Variants in PLPBP observed in about 807,000 individuals in gnomAD.
PLPBP encodes the protein pyridoxal phosphate binding protein, also known as pyridoxal phosphate homeostasis protein.
Under a neutral mutation model 31.2 loss-of-function variants are expected in PLPBP, and 21 were observed. That is an observed-to-expected ratio of 0.67 (90% CI 0.48 to 0.97). The LOEUF (loss-of-function observed/expected upper bound fraction) is 0.97, where lower values mean the gene tolerates loss of function less well. Among genes scored for constraint, PLPBP ranks in the 50% least tolerant of loss-of-function variants. The pLI is 0.00. For synonymous variants in PLPBP, 124 were observed against 135.6 expected (o/e 0.91, Z 0.59); for missense variants, 308 against 354.4 (o/e 0.87, Z 1.05).
intron 3 of PLPBP, among the ~76,000 whole-genome samples, chr8:37,765,995 T>C (rs757331438): frequency 6.6e-6 from 1 of 152,192 alleles, no homozygotes; most frequent in African/African-American, 2.4e-5. Context: ...CTTGCTGTAA[T>C]CTTGGATCTT....
At chr8:37,762,612 G>A, upstream of PLPBP, 1 of 1,538,388 alleles carries the variant, frequency 6.5e-7, no homozygotes. Flanking sequence ...AAGATGGTGT[G>A]AGCCACGGGC....
chr8:37,765,725 A>G lies in PLPBP; in HGVS notation c.222A>G (p.Leu74=). Residue 74 remains leucine (L), a synonymous_variant, in exon 3 of 8, where the codon CTA becomes CTG. Coordinates refer to ENST00000328195, the MANE Select transcript of PLPBP (RefSeq NM_007198.4). ...TFGENYVQEL[L]EKASNPKILS... ...TGACCTTTTAGGTTCAGGAACTGCTAGAAAAAGCATCAAATCCCAAAGTAA... is the reference window on the plus strand; with the variant it reads ...TGACCTTTTAGGTTCAGGAACTGCTGGAAAAAGCATCAAATCCCAAAGTAA... 3 of 1,612,378 alleles carry G rather than the reference A, an allele frequency of 1.9e-6. No individual in the cohort carries two copies. Among genetic ancestry groups the G allele is most frequent in the Non-Finnish European group, 2.5e-6 (3 of 1,179,628 alleles).
chr8:37,778,718 G>A lies in PLPBP; in HGVS notation c.*614G>A, dbSNP rs1308569837. On this transcript the variant is annotated 3_prime_UTR_variant, in exon 8 of 8. Coordinates refer to ENST00000328195, the MANE Select transcript of PLPBP (RefSeq NM_007198.4). ...CATGCCTGTAATCCCAGCAATTTGG[G>A]AGACAGAGGCGGAAGGATCACCTGA... 2 of 152,174 alleles carry A rather than the reference G, an allele frequency of 1.3e-5. No homozygotes were observed. Among genetic ancestry groups the A allele is most frequent in the Non-Finnish European group, 2.9e-5 (2 of 68,074 alleles). The allele number at this position is 152,174 out of a possible 1,614,324, so 9.4% of individuals were successfully genotyped here. A position where few individuals can be genotyped will look rare whatever the true frequency, so the allele number is the denominator to read the frequency against.
chr8:37,772,449 A>G (rs1803795966), intron 4 of PLPBP, among the ~76,000 whole-genome samples: 1 of 152,254 alleles, frequency 6.6e-6, no homozygotes, highest in African/African-American at 2.4e-5. Flanking sequence ...GAACTGAGAC[A>G]TAGATCAAGC....
chr8:37,776,675 A>C (rs1803921921), intron 7 of PLPBP, among the ~76,000 whole-genome samples: 1 of 152,096 alleles, frequency 6.6e-6, no homozygotes, highest in Non-Finnish European at 1.5e-5. Context: ...TAAGAAATTA[A>C]GCTATAATTT....
rs1182390401 is a variant in PLPBP at position 37,779,395 on chromosome 8, C to T, written c.*1291C>T. 2.6e-5 allele frequency: 4 copies of T among 152,286 alleles called. No homozygotes were observed. Among genetic ancestry groups the T allele is most frequent in the East Asian group, 1.9e-4 (1 of 5,182 alleles). The allele number at this position is 152,286 out of a possible 1,614,324, so 9.4% of individuals were successfully genotyped here. ...GAGGAGCACTTTCCAGGCATAGTTA[C>T]AGCTTCCCCACTGTATTTACAAGCC... On this transcript the variant is annotated 3_prime_UTR_variant, in exon 8 of 8. Coordinates refer to ENST00000328195, the MANE Select transcript of PLPBP (RefSeq NM_007198.4).
Position 37,767,867 on chromosome 8 carries a change from G to A in PLPBP, c.319+1512G>A, listed in dbSNP as rs558507569. 6.2e-5 allele frequency among the ~76,000 whole-genome samples: 9 copies of A among 145,328 alleles called. No homozygotes were observed. The East Asian group carries it at 8.1e-4, about 13-fold the overall frequency. On this transcript the variant is annotated intron_variant, in intron 4 of 7. Transcript: ENST00000328195. ...GTCGCCCAAGCTGGAGTGCAGTGGCGTGATCCCGGCTCACTGCAACCTCCA... is the reference window on the plus strand; with the variant it reads ...GTCGCCCAAGCTGGAGTGCAGTGGCATGATCCCGGCTCACTGCAACCTCCA...
chr8:37,768,063 C>T (rs545846096), intron 4 of PLPBP, among the ~76,000 whole-genome samples: 3 of 152,152 alleles, frequency 2.0e-5, no homozygotes, highest in East Asian at 1.9e-4. Context: ...CCTCAGCCTC[C>T]GAAAGTGCTA....
At chr8:37,772,507 G>A (rs1417504542) in intron 4 of PLPBP, among the ~76,000 whole-genome samples, 1 of 152,194 alleles carries the variant, frequency 6.6e-6, no homozygotes, top group Non-Finnish European at 1.5e-5. Flanking sequence ...GCTTATGGAT[G>A]TATATGCTGC....
At chr8:37,777,272 G>A (rs1196366296) in intron 7 of PLPBP, among the ~76,000 whole-genome samples, 2 of 152,178 alleles carry the variant, frequency 1.3e-5, no homozygotes, top group East Asian at 3.8e-4. Flanking sequence ...AAAATACATT[G>A]CATTGATAAG....
At chr8:37,770,225 C>G (rs188936002) in intron 4 of PLPBP, among the ~76,000 whole-genome samples, 5 of 152,272 alleles carry the variant, frequency 3.3e-5, no homozygotes, top group Admixed American at 6.5e-5. Context: ...ATCACATTAC[C>G]TGACTTCAAA....
chr8:37,776,016 G>T lies in PLPBP; in HGVS notation c.696G>T (p.Ala232=), dbSNP rs200504564. ...SMGMSADFQH[A]VEVGSTNVRI... ...GCATGTCCGCGGATTTCCAGCATGCGGTGAGTGTCCTGCCAGTGCCCTGTC... is the reference window on the plus strand; with the variant it reads ...GCATGTCCGCGGATTTCCAGCATGCTGTGAGTGTCCTGCCAGTGCCCTGTC... The change falls in exon 7 of 8, where the codon GCG becomes GCT. Residue 232 remains alanine, a splice_region_variant and synonymous_variant. Coordinates refer to ENST00000328195, the MANE Select transcript of PLPBP (RefSeq NM_007198.4). 2.0e-5 allele frequency: 33 copies of T among 1,612,830 alleles called. No individual in the cohort carries two copies. Among genetic ancestry groups the T allele is most frequent in the Non-Finnish European group, 2.8e-5 (33 of 1,179,338 alleles).
chr8:37,772,800 T>A lies in PLPBP; in HGVS notation c.365T>A (p.Leu122Ter), dbSNP rs757706287. The change falls in exon 5 of 8, where the codon TTG becomes TAG. Residue 122 changes from leucine (L) to a stop codon, truncating the protein, a stop_gained. Coordinates refer to ENST00000328195, the MANE Select transcript of PLPBP (RefSeq NM_007198.4). LOFTEE classifies it high-confidence loss of function. ...CTGGAAACAGTGGATTCTGTGAAGT[T>A]GGCAGACAAAGTGAACAGTTCCTGG... ...FMLETVDSVK[L>*]ADKVNSSWQR... 1.2e-6 allele frequency: 2 copies of A among 1,614,220 alleles called. No homozygotes were observed. The highest frequency in any genetic ancestry group is 1.7e-6 in the Non-Finnish European group (2 of 1,180,030).
chr8:37,763,536 G>T (rs1563322789), intron 1 of PLPBP, among the ~76,000 whole-genome samples: 1 of 151,942 alleles, frequency 6.6e-6, no homozygotes, highest in East Asian at 1.9e-4. Flanking sequence ...AACAAGTCAG[G>T]TAACTATTCC....
Position 37,765,759 on chromosome 8 carries a change from C to A in PLPBP, c.243+13C>A. The A allele has an allele frequency of 1.2e-6, 2 of 1,606,538 alleles. No homozygotes were observed. Among genetic ancestry groups the A allele is most frequent in the Non-Finnish European group, 1.7e-6 (2 of 1,178,122 alleles). The stretch of plus-strand genomic sequence containing the variant: ...ATCAAATCCCAAAGTAAGTAGATAG[C>A]TGAATTCTTTAATTTGTATCTAAAT... On this transcript the variant is annotated intron_variant, in intron 3 of 7. Transcript: ENST00000328195.
intron 1 of PLPBP, among the ~76,000 whole-genome samples, chr8:37,763,659 TCTCTCAGGGAAA>T (rs1803543347): frequency 6.6e-6 from 1 of 152,158 alleles, no homozygotes; most frequent in Admixed American, 6.5e-5. Context: ...CCTTGGAGGT[TCTCTCAGGGAAA>T]CTCTCAGGCA....
In PLPBP at chr8:37,779,706, T is replaced by C. The variant is rs757384676; in HGVS notation, c.*1602T>C. 6.6e-6 allele frequency: 1 copy of C among 152,660 alleles called. No homozygotes were observed. Among genetic ancestry groups the C allele is most frequent in the Non-Finnish European group, 1.5e-5 (1 of 68,032 alleles). 9.5% of individuals were successfully genotyped at this position (152,660 alleles called of 1,614,324 possible). A position where few individuals can be genotyped will look rare whatever the true frequency, so the allele number is the denominator to read the frequency against. On this transcript the variant is annotated 3_prime_UTR_variant, in exon 8 of 8. Coordinates refer to ENST00000328195, the MANE Select transcript of PLPBP (RefSeq NM_007198.4). ...TATTTCAGAGTCTATTAAATAAAAA[T>C]GTGAGTTTGAATTACACCATCTGTG...
chr8:37,773,102 A>G (rs945579015), intron 5 of PLPBP, among the ~76,000 whole-genome samples: 6 of 152,062 alleles, frequency 3.9e-5, no homozygotes, highest in Admixed American at 3.3e-4. Context: ...ATGGTTCATT[A>G]TATCTTAATT....
In PLPBP at chr8:37,775,368, A is replaced by G. The variant is rs1803873347; in HGVS notation, c.484A>G (p.Ile162Val). Residue 162 changes from isoleucine (I) to valine (V), a missense_variant, in exon 6 of 8, where the codon ATA (isoleucine) becomes GTA (valine). Coordinates refer to ENST00000328195, the MANE Select transcript of PLPBP (RefSeq NM_007198.4). ...ACATGGCCTTCCACCTTCAGAGACC[A>G]TAGCCATCGTGGAGCACATAAACGC... is the stretch of plus-strand genomic sequence containing the variant. Reference protein sequence around the residue: ...SKHGLPPSETIAIVEHINAKC... With the variant: ...SKHGLPPSETVAIVEHINAKC... 6.2e-7 allele frequency: 1 copy of G among 1,614,242 alleles called. No homozygotes were observed. The highest frequency in any genetic ancestry group is 8.5e-7 in the Non-Finnish European group (1 of 1,180,032).
Sources: gnomAD v4.1 joint callset for allele counts (sites outside exome capture counted in the v4.1 genomes callset) on GRCh38, gnomAD v4.1.1 for gene constraint, MANE v1.5 for transcripts, NCBI Gene and HGNC (gene_info 2026-07-23, HGNC 2026-07-21) for gene names.